The following CBFA2T3 variants were observed in gnomAD, a reference collection of about 807,000 sequenced individuals.
CBFA2T3 encodes the protein CBFA2/RUNX1 partner transcriptional co-repressor 3.
A neutral mutation model predicts 58.6 loss-of-function variants in CBFA2T3; 31 were observed. That is an observed-to-expected ratio of 0.53 (90% CI 0.40 to 0.71). The LOEUF (loss-of-function observed/expected upper bound fraction) is 0.71. Ranked by LOEUF, CBFA2T3 falls within the 30% of genes least tolerant of loss-of-function variation. The pLI is 0.00. For synonymous variants in CBFA2T3, 531 were observed against 421.9 expected (o/e 1.26, Z -3.17); for missense variants, 1,076 against 963.1 (o/e 1.12, Z -1.55).
At chr16:88,969,326 G>A (rs1046737064) in intron 1 of CBFA2T3, among the ~76,000 whole-genome samples, 1 of 152,236 alleles carries the variant, frequency 6.6e-6, no homozygotes, top group African/African-American at 2.4e-5. Context: ...ACAGGGTGGG[G>A]TGAATTCTCC....
chr16:88,976,823 C>CA lies in CBFA2T3; in HGVS notation c.-17dup, dbSNP rs1489792373. 1.9e-6 allele frequency: 3 copies of CA among 1,544,576 alleles called. No homozygotes were observed. Among genetic ancestry groups the CA allele is most frequent in the Non-Finnish European group, 2.6e-6 (3 of 1,141,290 alleles). On this transcript the variant is annotated 5_prime_UTR_variant, in exon 1 of 12. An upstream open reading frame in the 5' UTR loses its in-frame stop. Coordinates refer to ENST00000268679, the MANE Select transcript of CBFA2T3 (RefSeq NM_005187.6). ...AAGCCGGCATGAGGAGGGCCACCCTCAGGGGCCAACCTGGAGCCCAGGACA... is the reference window on the plus strand; with the variant it reads ...AAGCCGGCATGAGGAGGGCCACCCTCAAGGGGCCAACCTGGAGCCCAGGACA...
intron 1 of CBFA2T3, among the ~76,000 whole-genome samples, chr16:88,921,606 G>GGGAC (rs755108678): frequency 6.8e-6 from 1 of 147,992 alleles, no homozygotes; most frequent in African/African-American, 2.5e-5. Context: ...GGGGGAGGGA[G>GGGAC]GGGGGGCGGT....
In CBFA2T3 at chr16:88,958,504, G is replaced by A. The variant is rs902925603; in HGVS notation, c.151+18153C>T. Among the ~76,000 whole-genome samples, 3 of 152,206 alleles carry A rather than the reference G, an allele frequency of 2.0e-5. No individual in the cohort carries two copies. Among genetic ancestry groups the A allele is most frequent in the Admixed American group, 6.5e-5 (1 of 15,288 alleles). On this transcript the variant is annotated intron_variant, in intron 1 of 11. Transcript: ENST00000268679. The surrounding 1 kb of genome is among the most constrained non-coding windows in gnomAD (Gnocchi z 4.0). ...GACACCAGGTCCCGGTGCAGCGCTCGTGAGTGCCCCACATCCCTGGGCATC... is the reference window on the plus strand; with the variant it reads ...GACACCAGGTCCCGGTGCAGCGCTCATGAGTGCCCCACATCCCTGGGCATC...
chr16:88,879,549 A>G (rs1164436405), intron 10 of CBFA2T3, 89 bp from the exon 11 acceptor site: 5 of 1,199,502 alleles, frequency 4.2e-6, no homozygotes, highest in Non-Finnish European at 6.0e-6. Context: ...ACCTGGGGAC[A>G]GGGGCTGTGT....
chr16:88,895,270 A>T (rs1204788871), intron 3 of CBFA2T3, among the ~76,000 whole-genome samples: 1 of 152,150 alleles, frequency 6.6e-6, no homozygotes, highest in African/African-American at 2.4e-5. Flanking sequence ...TCCCTCCAGT[A>T]ACCTTTAGGT....
intron 1 of CBFA2T3, among the ~76,000 whole-genome samples, chr16:88,929,024 G>A (rs7197177): frequency 0.6 from 91,344 of 152,082 alleles, 28,009 homozygotes; most frequent in East Asian, 0.73. Context: ...CCTCGGCTCC[G>A]TTCCTGGAGA....
intron 1 of CBFA2T3, among the ~76,000 whole-genome samples, chr16:88,969,850 G>T (rs74033231): frequency 1.3e-5 from 2 of 152,036 alleles, no homozygotes; most frequent in Non-Finnish European, 2.9e-5. Flanking sequence ...CGATTTGGCA[G>T]AGCCCCCGAT....
intron 1 of CBFA2T3, among the ~76,000 whole-genome samples, chr16:88,974,701 T>C (rs531587188): frequency 9.8e-5 from 15 of 152,288 alleles, no homozygotes; most frequent in Admixed American, 1.3e-4. Flanking sequence ...GAGGCCTGTG[T>C]GCCTGACAGC....
At chr16:88,881,107 GC>G (rs1969053307) in intron 9 of CBFA2T3, 183 bp downstream of exon 9, 1 of 729,748 alleles carries the variant, frequency 1.4e-6, no homozygotes, top group East Asian at 2.7e-5. Context: ...CCCACCAGAC[GC>G]TCTGAGCTCC....
intron 1 of CBFA2T3, among the ~76,000 whole-genome samples, chr16:88,969,678 G>T (rs1047157958): frequency 6.6e-6 from 1 of 152,188 alleles, no homozygotes; most frequent in Non-Finnish European, 1.5e-5. Context: ...CCTCAGCACC[G>T]CCCGTGGGGC....
Position 88,976,815 on chromosome 16 carries a change from G to A in CBFA2T3, c.-8C>T, listed in dbSNP as rs1362323039. 4.5e-6 allele frequency: 7 copies of A among 1,547,460 alleles called. No individual in the cohort carries two copies. The highest frequency in any genetic ancestry group is 6.1e-6 in the Non-Finnish European group (7 of 1,143,422). On this transcript the variant is annotated 5_prime_UTR_variant, in exon 1 of 12. Transcript: ENST00000268679. The stretch of plus-strand genomic sequence containing the variant: ...CAGTCTTGAAGCCGGCATGAGGAGG[G>A]CCACCCTCAGGGGCCAACCTGGAGC...
chr16:88,906,220 C>T (rs1167787947), intron 1 of CBFA2T3, among the ~76,000 whole-genome samples: 3 of 152,168 alleles, frequency 2.0e-5, no homozygotes, highest in Admixed American at 6.5e-5. Flanking sequence ...GCTAAGACAC[C>T]GCTAGACAGG....
Position 88,953,342 on chromosome 16 carries a change from G to A in CBFA2T3, c.151+23315C>T, listed in dbSNP as rs1448243936. On this transcript the variant is annotated intron_variant, in intron 1 of 11. Coordinates refer to ENST00000268679, the MANE Select transcript of CBFA2T3 (RefSeq NM_005187.6). This position sits in a 1 kb window ranked among gnomAD's most constrained non-coding sequence, Gnocchi z 4.9. ...GAAGGTTCACGGAAGAACGAAGGAA[G>A]GAGTGAGCGTGGGGAGAGCCAGCCA... 6.6e-6 allele frequency among the ~76,000 whole-genome samples: 1 copy of A among 152,178 alleles called. No individual in the cohort carries two copies. The highest frequency in any genetic ancestry group is 2.1e-4 in the South Asian group (1 of 4,806).
In CBFA2T3 at chr16:88,971,073, C is replaced by T. The variant is rs866636607; in HGVS notation, c.151+5584G>A. Among the ~76,000 whole-genome samples the T allele has an allele frequency of 6.6e-5, 10 of 152,146 alleles. No homozygotes were observed. In the East Asian group the frequency reaches 1.4e-3, roughly 21 times the overall value. The stretch of plus-strand genomic sequence containing the variant: ...CCGGGAGGGCTGGGCCGTGGGTGTG[C>T]GCAGGTGTGATGTGGCTGACGTGTT... On this transcript the variant is annotated intron_variant, in intron 1 of 11. Transcript: ENST00000268679.
chr16:88,923,938 G>A (rs553623038), intron 1 of CBFA2T3, among the ~76,000 whole-genome samples: 8 of 152,214 alleles, frequency 5.3e-5, no homozygotes, highest in Non-Finnish European at 1.2e-4. Context: ...TCACCACAGT[G>A]CAAGGACCAC....
chr16:88,971,004 C>T (rs1972642240), intron 1 of CBFA2T3, among the ~76,000 whole-genome samples: 1 of 152,074 alleles, frequency 6.6e-6, no homozygotes, highest in Non-Finnish European at 1.5e-5. Context: ...AGCCGCCAGG[C>T]AGCCGGGGCT....
chr16:88,936,812 T>C (rs988091029), intron 1 of CBFA2T3: 2 of 152,290 alleles, frequency 1.3e-5, no homozygotes. Context: ...AGGAAACTCA[T>C]TGCCACAGCA....
chr16:88,888,852 C>G (rs940896684), intron 5 of CBFA2T3, among the ~76,000 whole-genome samples: 4 of 151,888 alleles, frequency 2.6e-5, no homozygotes, highest in African/African-American at 7.3e-5. Context: ...CTACCCCACA[C>G]AGGCCGTGGG....
intron 3 of CBFA2T3, among the ~76,000 whole-genome samples, chr16:88,895,510 C>G (rs997537488): frequency 6.6e-6 from 1 of 152,204 alleles, no homozygotes; most frequent in Non-Finnish European, 1.5e-5. Context: ...CCGGCTCCCC[C>G]AGATTGCCTC....
Sources: allele counts gnomAD v4.1 joint callset (sites outside exome capture counted in the v4.1 genomes callset), GRCh38; gene constraint gnomAD v4.1.1; non-coding constraint Gnocchi (gnomAD v3.1); transcripts MANE v1.5; gene names NCBI Gene and HGNC (gene_info 2026-07-23, HGNC 2026-07-21).